Variants in ST8SIA1 observed in about 807,000 individuals in gnomAD.
ST8SIA1 encodes the protein alpha-N-acetylneuraminide alpha-2,8-sialyltransferase.
ST8SIA1 carries 16 observed loss-of-function variants against 35.9 expected under a neutral mutation model. The observed-to-expected ratio is 0.45, with a 90% CI of 0.30 to 0.68. The LOEUF (loss-of-function observed/expected upper bound fraction) is 0.68, where lower values mean the gene tolerates loss of function less well. ST8SIA1 is among the 30% of genes least tolerant of loss of function. The pLI is 0.09. For synonymous variants in ST8SIA1, 170 were observed against 169.6 expected, an observed-to-expected ratio of 1.00 and a Z score of -0.02; for missense variants, 383 against 453.6, an observed-to-expected ratio of 0.84 and a Z score of 1.41.
chr12:22,245,466 A>G (rs927956139), intron 4 of ST8SIA1, among the ~76,000 whole-genome samples: 6 of 152,244 alleles, frequency 3.9e-5, no homozygotes, highest in Non-Finnish European at 8.8e-5. Context: ...CATTGAATAC[A>G]TTTTTTAAAA....
intron 1 of ST8SIA1, among the ~76,000 whole-genome samples, chr12:22,304,297 C>CATT (rs1414784687): frequency 3.4e-5 from 5 of 146,218 alleles, no homozygotes; most frequent in Admixed American, 2.7e-4. Context: ...TTCATGTTGG[C>CATT]ATTTTTTTTC....
intron 4 of ST8SIA1, among the ~76,000 whole-genome samples, chr12:22,224,053 C>A (rs907140863): frequency 6.6e-6 from 1 of 152,110 alleles, no homozygotes; most frequent in Non-Finnish European, 1.5e-5. Flanking sequence ...AATTTATACT[C>A]CCACTAGCAG....
At chr12:22,333,872 A>G (rs781110151) in intron 1 of ST8SIA1, 125 bp downstream of exon 1, 11 of 895,288 alleles carry the variant, frequency 1.2e-5, no homozygotes, top group Non-Finnish European at 1.9e-5. Flanking sequence ...GGGAAAGGAC[A>G]TGGAAGAGCG....
rs138720212 is a variant in ST8SIA1 at position 22,277,441 on chromosome 12, A to T, written c.381+9708T>A. 2.6e-3 allele frequency among the ~76,000 whole-genome samples: 366 copies of T among 143,450 alleles called. 2 individuals are homozygous for T. Among genetic ancestry groups the T allele is most frequent in the African/African-American group, 9.1e-3 (346 of 38,170 alleles). 94.1% of individuals were successfully genotyped at this position (143,450 alleles called of 152,430 possible). On this transcript the variant is annotated intron_variant, in intron 2 of 4. Transcript: ENST00000396037. Reference sequence around the variant, plus strand: ...GAGTGCAGTGGTGTGATTTTGGCTCACTGCAACCTCTGCCTCCTGGGTTCA... The same window carrying T: ...GAGTGCAGTGGTGTGATTTTGGCTCTCTGCAACCTCTGCCTCCTGGGTTCA...
intron 3 of ST8SIA1, among the ~76,000 whole-genome samples, chr12:22,253,333 C>A (rs1215382644): frequency 6.6e-6 from 1 of 152,188 alleles, no homozygotes; most frequent in Non-Finnish European, 1.5e-5. Flanking sequence ...GCTCTTCTCA[C>A]CTATTCATGC....
chr12:22,209,363 T>C (rs1412552198), intron 4 of ST8SIA1, among the ~76,000 whole-genome samples: 2 of 152,052 alleles, frequency 1.3e-5, no homozygotes, highest in African/African-American at 4.8e-5. Flanking sequence ...AAATCCGAGA[T>C]GAGGAAATTC....
intron 1 of ST8SIA1, chr12:22,326,053 A>C (rs536192859): frequency 5.5e-5 from 25 of 455,454 alleles, no homozygotes; most frequent in African/African-American, 4.7e-4. Context: ...TGGAATTTCC[A>C]TTTAATATTT....
chr12:22,314,047 GA>G (rs556004962), intron 1 of ST8SIA1, among the ~76,000 whole-genome samples: 88 of 152,236 alleles, frequency 5.8e-4, no homozygotes, highest in African/African-American at 2.1e-3. Context: ...TTTGTCTGAG[GA>G]GGGATAAAGG....
At chr12:22,236,354 A>T (rs1157394840) in intron 4 of ST8SIA1, among the ~76,000 whole-genome samples, 1 of 152,254 alleles carries the variant, frequency 6.6e-6, no homozygotes. Flanking sequence ...GCCACATTCC[A>T]TGCAGAGAGT....
At chr12:22,325,330 T>C in intron 1 of ST8SIA1, 1 of 665,074 alleles carries the variant, frequency 1.5e-6, no homozygotes, top group Non-Finnish European at 2.7e-6. Flanking sequence ...TCTGATAGTG[T>C]CTTCTGTGTT....
intron 4 of ST8SIA1, among the ~76,000 whole-genome samples, chr12:22,235,768 C>G (rs1046124945): frequency 6.6e-6 from 1 of 152,118 alleles, no homozygotes; most frequent in Non-Finnish European, 1.5e-5. Context: ...GTGGCGTTTC[C>G]CAGGATTTGC....
chr12:22,297,029 T>A (rs1866254654), intron 1 of ST8SIA1, among the ~76,000 whole-genome samples: 1 of 152,208 alleles, frequency 6.6e-6, no homozygotes, highest in Non-Finnish European at 1.5e-5. Context: ...TATCCAATCA[T>A]GGCCCACGGT....
intron 2 of ST8SIA1, among the ~76,000 whole-genome samples, chr12:22,263,752 C>G (rs1457338759): frequency 1.3e-5 from 2 of 152,060 alleles, no homozygotes; most frequent in Admixed American, 1.3e-4. Context: ...TGTTTTAAAG[C>G]TAGAAAAATT....
rs570848285 is a variant in ST8SIA1 at position 22,274,375 on chromosome 12, T to C, written c.381+12774A>G. Among the ~76,000 whole-genome samples, 412 of 152,280 alleles carry C rather than the reference T, an allele frequency of 2.7e-3. 3 individuals carry two copies. Among genetic ancestry groups the C allele is most frequent in the African/African-American group, 9.4e-3 (389 of 41,558 alleles). ...AGCCCAGAAGATAACTTTTGCAGAATTCTAGACAAGAGGCCATTGTCATTT... is the reference window on the plus strand; with the variant it reads ...AGCCCAGAAGATAACTTTTGCAGAACTCTAGACAAGAGGCCATTGTCATTT... On this transcript the variant is annotated intron_variant, in intron 2 of 4. Coordinates refer to ENST00000396037, the MANE Select transcript of ST8SIA1 (RefSeq NM_003034.4).
chr12:22,226,645 GT>G (rs1865362243), intron 4 of ST8SIA1, among the ~76,000 whole-genome samples: 1 of 150,330 alleles, frequency 6.7e-6, no homozygotes, highest in African/African-American at 2.5e-5. Context: ...ATCTCTCTGA[GT>G]TTTTTTCCTC....
intron 1 of ST8SIA1, among the ~76,000 whole-genome samples, chr12:22,303,750 C>T (rs1427055303): frequency 6.6e-6 from 1 of 151,522 alleles, no homozygotes; most frequent in East Asian, 1.9e-4. Context: ...TTGATCAACT[C>T]CATCCGACTT....
At chr12:22,288,744 C>T (rs1044618769) in intron 1 of ST8SIA1, among the ~76,000 whole-genome samples, 3 of 152,146 alleles carry the variant, frequency 2.0e-5, no homozygotes, top group Non-Finnish European at 4.4e-5. Context: ...CTTGGTAGAC[C>T]GAGTGTCTCT....
chr12:22,265,774 A>G (rs1470913253), intron 2 of ST8SIA1, among the ~76,000 whole-genome samples: 1 of 151,828 alleles, frequency 6.6e-6, no homozygotes, highest in Non-Finnish European at 1.5e-5. Context: ...CACTGTAACT[A>G]TTGTTTAAAA....
rs1181048416 is a variant in ST8SIA1 at position 22,216,887 on chromosome 12, G to T, written c.585-14849C>A. On this transcript the variant is annotated intron_variant, in intron 4 of 4. Transcript: ENST00000396037. Reference sequence around the variant, plus strand: ...CTATTTCTTTTTTAAGGAATACCAAGATAACATAAGAGATACTTTGATTGC... The same window carrying T: ...CTATTTCTTTTTTAAGGAATACCAATATAACATAAGAGATACTTTGATTGC... Among the ~76,000 whole-genome samples, 7 of 152,108 alleles carry T rather than the reference G, an allele frequency of 4.6e-5. No individual in the cohort carries two copies. The East Asian group carries it at 1.3e-3, about 29-fold the overall frequency.
Sources: allele counts gnomAD v4.1 joint callset (sites outside exome capture counted in the v4.1 genomes callset), GRCh38; gene constraint gnomAD v4.1.1; transcripts MANE v1.5; gene names NCBI Gene and HGNC (gene_info 2026-07-23, HGNC 2026-07-21).